Variants in SCG5 observed in about 807,000 individuals in gnomAD.
The protein encoded by SCG5 is neuroendocrine protein 7B2.
SCG5 carries 18 observed loss-of-function variants against 25.7 expected under a neutral mutation model. That is an observed-to-expected ratio of 0.70 (90% CI 0.48 to 1.04). The LOEUF (loss-of-function observed/expected upper bound fraction) is 1.04. Ranked by LOEUF, SCG5 falls within the 50% of genes least tolerant of loss-of-function variation. The pLI is 0.00. For missense variants in SCG5, 206 were observed against 259.8 expected (o/e 0.79, Z 1.42); for synonymous variants, 101 against 91.7 (o/e 1.10, Z -0.58).
intron 2 of SCG5, among the ~76,000 whole-genome samples, chr15:32,664,211 G>A (rs760718711): frequency 6.6e-6 from 1 of 152,142 alleles, no homozygotes; most frequent in African/African-American, 2.4e-5. Flanking sequence ...ATGAGGCCCT[G>A]AGAGGTAAAG....
intron 4 of SCG5, 99 bp from the exon 5 acceptor site, chr15:32,691,611 A>T: frequency 6.6e-6 from 6 of 913,304 alleles, no homozygotes; most frequent in Non-Finnish European, 1.0e-5. Flanking sequence ...TGCGTATGCA[A>T]ATATCTAGGG....
chr15:32,666,989 G>A (rs2140537698), intron 2 of SCG5, among the ~76,000 whole-genome samples: 1 of 152,244 alleles, frequency 6.6e-6, no homozygotes, highest in South Asian at 2.1e-4. Flanking sequence ...TGTACTCTAA[G>A]TATAAACTAC....
At chr15:32,688,576 A>C (rs2054768159) in intron 4 of SCG5, among the ~76,000 whole-genome samples, 1 of 152,184 alleles carries the variant, frequency 6.6e-6, no homozygotes, top group African/African-American at 2.4e-5. Context: ...ATCAGCAAGC[A>C]CATGATGTCA....
chr15:32,691,850 G>A, intron 5 of SCG5, 87 bp downstream of exon 5: 1 of 1,557,326 alleles, frequency 6.4e-7, no homozygotes, highest in East Asian at 2.4e-5. Flanking sequence ...CGCTTGTTGG[G>A]AAGTCACAGA....
intron 4 of SCG5, among the ~76,000 whole-genome samples, chr15:32,686,386 A>T (rs918719477): frequency 2.0e-5 from 3 of 152,220 alleles, no homozygotes; most frequent in African/African-American, 7.2e-5. Flanking sequence ...TTCAGTTATG[A>T]TGACTGTGAA....
chr15:32,650,855 G>A (rs2054021266), intron 2 of SCG5, among the ~76,000 whole-genome samples: 1 of 152,198 alleles, frequency 6.6e-6, no homozygotes, highest in Non-Finnish European at 1.5e-5. Context: ...ATAAACATTA[G>A]CATTTGATGG....
rs79896253 is a variant in SCG5, at chr15:32,662,997, C to T, written c.227-16769C>T. Among the ~76,000 whole-genome samples the T allele has an allele frequency of 0.015, 1,927 of 128,386 alleles. 97 individuals carry two copies. In the East Asian group the frequency reaches 0.17, roughly 11 times the overall value. 84.2% of individuals were successfully genotyped at this position (128,386 alleles called of 152,430 possible). A position where few individuals can be genotyped will look rare whatever the true frequency, so the allele number is the denominator to read the frequency against. Reference sequence around the variant, plus strand: ...GGTGCACGTGTGTTTGTGTGTAGAGCGGGGAAGAGAAGATTAGGGCTGTTA... The same window carrying T: ...GGTGCACGTGTGTTTGTGTGTAGAGTGGGGAAGAGAAGATTAGGGCTGTTA... On this transcript the variant is annotated intron_variant, in intron 2 of 5. Transcript: ENST00000300175.
At chr15:32,693,806 A>T (rs1392640683) in intron 5 of SCG5, among the ~76,000 whole-genome samples, 1 of 152,154 alleles carries the variant, frequency 6.6e-6, no homozygotes, top group Non-Finnish European at 1.5e-5. Context: ...AGTTTTTCAG[A>T]GCACAATTAA....
chr15:32,668,380 G>T (rs1292383403), intron 2 of SCG5, among the ~76,000 whole-genome samples: 1 of 152,236 alleles, frequency 6.6e-6, no homozygotes, highest in African/African-American at 2.4e-5. Context: ...CACGTTCCTT[G>T]TCGTGGCCCA....
intron 4 of SCG5, among the ~76,000 whole-genome samples, chr15:32,685,808 T>C (rs1188416450): frequency 6.6e-6 from 1 of 152,208 alleles, no homozygotes; most frequent in Non-Finnish European, 1.5e-5. Context: ...GGCCAGTACG[T>C]CTGTGGAATG....
chr15:32,646,213 A>C (rs2053942374), intron 2 of SCG5, among the ~76,000 whole-genome samples: 1 of 152,166 alleles, frequency 6.6e-6, no homozygotes, highest in African/African-American at 2.4e-5. Context: ...AATTACCACA[A>C]ATTTAGCAGT....
intron 2 of SCG5, among the ~76,000 whole-genome samples, chr15:32,646,724 G>A (rs778016055): frequency 4.6e-5 from 7 of 152,202 alleles, no homozygotes; most frequent in South Asian, 4.1e-4. Context: ...TTCCCAGTCT[G>A]GGACCTTGGC....
chr15:32,647,362 TAAATA>T (rs1376568733), intron 2 of SCG5, among the ~76,000 whole-genome samples: 1 of 152,236 alleles, frequency 6.6e-6, no homozygotes, highest in Non-Finnish European at 1.5e-5. Context: ...CTTGTCTACT[TAAATA>T]AATTAATTGT....
At chr15:32,671,127 C>G (rs1309603830) in intron 2 of SCG5, among the ~76,000 whole-genome samples, 1 of 152,134 alleles carries the variant, frequency 6.6e-6, no homozygotes, top group Non-Finnish European at 1.5e-5. Context: ...TTATGAGAAT[C>G]CCACAGTGTG....
chr15:32,695,293 G>A (rs1157822287), intron 5 of SCG5, among the ~76,000 whole-genome samples: 1 of 152,138 alleles, frequency 6.6e-6, no homozygotes, highest in Non-Finnish European at 1.5e-5. Context: ...GGGATTACAG[G>A]CGTGAGCCAC....
At chr15:32,653,083 C>T (rs866624291) in intron 2 of SCG5, among the ~76,000 whole-genome samples, 3 of 152,166 alleles carry the variant, frequency 2.0e-5, no homozygotes, top group African/African-American at 4.8e-5. Flanking sequence ...AAAATTAGCA[C>T]AGCCTTATTG....
At position 32,691,771 on chromosome 15, in the gene SCG5, G is replaced by A. The variant is rs199958383; in HGVS notation, c.543+8G>A. ...GAGAGACGAAAGCGGAGGGTAACAC[G>A]TGCCTGGCTGGATTGTTGCGGGGAT... On this transcript the variant is annotated splice_region_variant and intron_variant, in intron 5 of 5. Transcript: ENST00000300175. 1.1e-3 allele frequency: 1,790 copies of A among 1,612,164 alleles called. 13 individuals are homozygous for A. The highest frequency in any genetic ancestry group is 9.6e-3 in the South Asian group (872 of 90,472).
At chr15:32,692,062 G>T in intron 5 of SCG5, 1 of 1,239,414 alleles carries the variant, frequency 8.1e-7, no homozygotes, top group Non-Finnish European at 1.0e-6. Flanking sequence ...GACATATCTG[G>T]GGGGACATGA....
At chr15:32,679,715 T>C in intron 2 of SCG5, 51 bp from the exon 3 acceptor site, 1 of 1,593,578 alleles carries the variant, frequency 6.3e-7, no homozygotes, top group South Asian at 1.1e-5. Context: ...TAAATATTGG[T>C]TGAAATTAAT....
Sources: allele counts gnomAD v4.1 joint callset (sites outside exome capture counted in the v4.1 genomes callset), GRCh38; gene constraint gnomAD v4.1.1; transcripts MANE v1.5; gene names NCBI Gene and HGNC (gene_info 2026-07-23, HGNC 2026-07-21).